The following MSRA variants were observed in gnomAD, a reference collection of about 807,000 sequenced individuals.
MSRA encodes mitochondrial peptide methionine sulfoxide reductase.
In MSRA, 54 loss-of-function variants were observed where a neutral mutation model predicts 31.3. The observed-to-expected ratio is 1.73, with a 90% CI of 1.39 to 2.17. The LOEUF (loss-of-function observed/expected upper bound fraction) is 2.17, where lower values mean the gene tolerates loss of function less well. MSRA is among the 30% of genes most tolerant of loss of function. MSRA has a pLI of 0.00. For missense variants in MSRA, 507 were observed against 300.9 expected (o/e 1.69, Z -5.07); for synonymous variants, 169 against 116.5 (o/e 1.45, Z -2.90).
chr8:10,227,701 G>T lies in MSRA; in HGVS notation c.212-17403G>T, dbSNP rs575342243. On this transcript the variant is annotated intron_variant, in intron 2 of 5. Coordinates refer to ENST00000317173, the MANE Select transcript of MSRA (RefSeq NM_012331.5). Reference sequence around the variant, plus strand: ...TTTAAATTAGGGAAGGGGCTGAAAAGAAAAATTAATCAAATTAAAGCAGCA... The same window carrying T: ...TTTAAATTAGGGAAGGGGCTGAAAATAAAAATTAATCAAATTAAAGCAGCA... Among the ~76,000 whole-genome samples, 26 of 152,308 alleles carry T rather than the reference G, an allele frequency of 1.7e-4. No homozygotes were observed. The South Asian group carries it at 4.8e-3, about 28-fold the overall frequency.
chr8:10,418,065 T>A lies in MSRA; in HGVS notation c.544-10083T>A, dbSNP rs77695936. Among the ~76,000 whole-genome samples the A allele has an allele frequency of 8.9e-4, 136 of 152,236 alleles. No individual in the cohort carries two copies. In the East Asian group the frequency reaches 0.024, roughly 27 times the overall value. ...ACCCTAATTTCCGATGGGCTCAGGG[T>A]CATAAATTAGATTTCTGTTCTAGGA... On this transcript the variant is annotated intron_variant, in intron 5 of 5. Transcript: ENST00000317173.
intron 5 of MSRA, among the ~76,000 whole-genome samples, chr8:10,322,124 A>T (rs1265128897): frequency 2.6e-5 from 4 of 152,224 alleles, no homozygotes; most frequent in Non-Finnish European, 5.9e-5. Flanking sequence ...CTCAATTCAC[A>T]TGTCATCTGT....
chr8:10,299,734 A>G (rs1305698923), intron 3 of MSRA, among the ~76,000 whole-genome samples: 2 of 152,194 alleles, frequency 1.3e-5, no homozygotes, highest in East Asian at 1.9e-4. Context: ...AGGATTAAAA[A>G]TGTTGTAATG....
chr8:10,234,344 T>G (rs1385947724), intron 2 of MSRA, among the ~76,000 whole-genome samples: 3 of 152,094 alleles, frequency 2.0e-5, no homozygotes, highest in African/African-American at 7.2e-5. Context: ...TTGTTCAGTG[T>G]GGCGGGTTTT....
chr8:10,280,242 T>G (rs1799547043), intron 3 of MSRA, among the ~76,000 whole-genome samples: 1 of 152,156 alleles, frequency 6.6e-6, no homozygotes, highest in Non-Finnish European at 1.5e-5. Context: ...CTATAAAGTG[T>G]TCTATGCTTC....
chr8:10,221,350 G>A (rs1484460988), intron 2 of MSRA, among the ~76,000 whole-genome samples: 1 of 151,856 alleles, frequency 6.6e-6, no homozygotes, highest in Non-Finnish European at 1.5e-5. Context: ...GCAATGAAGA[G>A]GCTGTTAAAC....
At chr8:10,227,916 A>G (rs1480011233) in intron 2 of MSRA, among the ~76,000 whole-genome samples, 1 of 151,566 alleles carries the variant, frequency 6.6e-6, no homozygotes, top group Non-Finnish European at 1.5e-5. Context: ...TCAGAAAAGT[A>G]AAGAGCACAG....
chr8:10,136,816 C>T (rs1324984142), intron 1 of MSRA, among the ~76,000 whole-genome samples: 1 of 152,094 alleles, frequency 6.6e-6, no homozygotes, highest in Non-Finnish European at 1.5e-5. Flanking sequence ...GTGTCTTGCC[C>T]TCTCCTTCCC....
At chr8:10,056,820 C>G (rs1222923395) in intron 1 of MSRA, among the ~76,000 whole-genome samples, 3 of 152,174 alleles carry the variant, frequency 2.0e-5, no homozygotes, top group African/African-American at 4.8e-5. Flanking sequence ...CCTCCCTTCT[C>G]TATATTACCT....
At chr8:10,351,398 C>T (rs1019759660) in intron 5 of MSRA, among the ~76,000 whole-genome samples, 3 of 151,964 alleles carry the variant, frequency 2.0e-5, no homozygotes, top group African/African-American at 7.3e-5. Context: ...GGACCACAGG[C>T]ATGCGCCACC....
At chr8:10,057,502 C>T (rs1045700626) in intron 1 of MSRA, among the ~76,000 whole-genome samples, 9 of 152,120 alleles carry the variant, frequency 5.9e-5, no homozygotes, top group Admixed American at 2.0e-4. Flanking sequence ...ATCTTATTTC[C>T]GGTGAATTAT....
intron 3 of MSRA, among the ~76,000 whole-genome samples, chr8:10,283,832 T>TACACACACACAC (rs1338639680): frequency 6.9e-4 from 45 of 65,304 alleles, no homozygotes; most frequent in Non-Finnish European, 1.3e-3. Flanking sequence ...TATATATATA[T>TACACACACACAC]ATATACACAC....
chr8:10,363,960 A>T (rs1311299693), intron 5 of MSRA, among the ~76,000 whole-genome samples: 1 of 152,088 alleles, frequency 6.6e-6, no homozygotes, highest in East Asian at 1.9e-4. Context: ...AAACAAAAGA[A>T]GAACACATGT....
At chr8:10,064,615 C>G (rs528979490) in intron 1 of MSRA, among the ~76,000 whole-genome samples, 1 of 152,186 alleles carries the variant, frequency 6.6e-6, no homozygotes, top group Non-Finnish European at 1.5e-5. Context: ...CTTCCCAGAG[C>G]ATGTTTATAA....
intron 1 of MSRA, among the ~76,000 whole-genome samples, chr8:10,109,499 C>T (rs984254163): frequency 1.3e-5 from 2 of 151,924 alleles, no homozygotes; most frequent in African/African-American, 2.4e-5. Flanking sequence ...GCACCTACCA[C>T]ACTCAGCTAA....
chr8:10,108,642 T>G (rs961342354), intron 1 of MSRA, among the ~76,000 whole-genome samples: 1 of 152,214 alleles, frequency 6.6e-6, no homozygotes, highest in Non-Finnish European at 1.5e-5. Context: ...CGTAGAAACT[T>G]TGGCCTGTGA....
At chr8:10,222,919 T>C (rs1405365455) in intron 2 of MSRA, among the ~76,000 whole-genome samples, 1 of 152,212 alleles carries the variant, frequency 6.6e-6, no homozygotes, top group Non-Finnish European at 1.5e-5. Flanking sequence ...TTAATAATAA[T>C]ACATTGTACA....
intron 3 of MSRA, among the ~76,000 whole-genome samples, chr8:10,290,313 A>C (rs929976444): frequency 1.3e-5 from 2 of 152,178 alleles, no homozygotes; most frequent in African/African-American, 2.4e-5. Flanking sequence ...AGTGGCATGA[A>C]CTACTTTGAG....
At chr8:10,412,852 T>G (rs1327154462) in intron 5 of MSRA, among the ~76,000 whole-genome samples, 1 of 152,194 alleles carries the variant, frequency 6.6e-6, no homozygotes, top group African/African-American at 2.4e-5. Context: ...CAATGGGAAC[T>G]CTCATGCATT....
Sources: allele counts gnomAD v4.1 joint callset (sites outside exome capture counted in the v4.1 genomes callset), GRCh38; gene constraint gnomAD v4.1.1; transcripts MANE v1.5; gene names NCBI Gene and HGNC (gene_info 2026-07-23, HGNC 2026-07-21).